Variants in BUB1 observed in about 807,000 individuals in gnomAD.
BUB1 encodes mitotic checkpoint serine/threonine-protein kinase BUB1.
In BUB1, 84 loss-of-function variants were observed where a neutral mutation model predicts 135.2. The ratio of observed to expected loss-of-function variants is 0.62; its 90% CI spans 0.52 to 0.74. BUB1 has a LOEUF of 0.74. Ranked by LOEUF, BUB1 falls within the 30% of genes least tolerant of loss-of-function variation. The pLI, the probability that BUB1 is intolerant of heterozygous loss-of-function variation, is 0.00. For synonymous variants in BUB1, 403 were observed against 434.4 expected (o/e 0.93, Z 0.90); for missense variants, 1,162 against 1,288.3 (o/e 0.90, Z 1.50).
At chr2:110,669,236 G>A (rs1291732610) in intron 6 of BUB1, among the ~76,000 whole-genome samples, 3 of 152,168 alleles carry the variant, frequency 2.0e-5, no homozygotes, top group Non-Finnish European at 1.5e-5. Context: ...GTGTGGTGAG[G>A]GCCTCTGGGT....
In BUB1 at chr2:110,659,974, T is replaced by C. The variant is rs1690037202; in HGVS notation, c.1276+4A>G. The C allele has an allele frequency of 1.2e-6, 2 of 1,604,002 alleles. No homozygotes were observed. Among genetic ancestry groups the C allele is most frequent in the Admixed American group, 1.7e-5 (1 of 59,960 alleles). On this transcript the variant is annotated splice_donor_region_variant and intron_variant, in intron 11 of 24. Transcript: ENST00000302759. ...GAAACACATTTATTATAATTAAACATTACCTTCTTTGATCTCTGCTCCACT... is the reference window on the plus strand; with the variant it reads ...GAAACACATTTATTATAATTAAACACTACCTTCTTTGATCTCTGCTCCACT...
At position 110,672,863 on chromosome 2, in the gene BUB1, C is replaced by T. The variant is rs756523208; in HGVS notation, c.226-6G>A. The T allele has an allele frequency of 2.3e-5, 36 of 1,573,174 alleles. No homozygotes were observed. The highest frequency in any genetic ancestry group is 3.4e-4 in the Middle Eastern group (2 of 5,856). The stretch of plus-strand genomic sequence containing the variant: ...AGGTCACTGTTGTACTCAGCCTACA[C>T]GAACCCAAAACAAAAAGACATAAGA... On this transcript the variant is annotated splice_polypyrimidine_tract_variant and splice_region_variant and intron_variant, in intron 3 of 24. Coordinates refer to ENST00000302759, the MANE Select transcript of BUB1 (RefSeq NM_004336.5).
chr2:110,653,458 G>A lies in BUB1; in HGVS notation c.1942C>T (p.Pro648Ser), dbSNP rs772319714. Reference protein sequence around the residue: ...LDSCEENMVVPSRDGKFSPIQ... With the variant: ...LDSCEENMVVSSRDGKFSPIQ... ...TACCTGAATTTTCCATCCCTTGAAG[G>A]CACCACCATGTTTTCCTCACAAGAA... The change falls in exon 17 of 25, where the codon CCT (proline) becomes TCT (serine). Residue 648 changes from proline (P) to serine (S), a missense_variant. Transcript: ENST00000302759. 2 of 1,613,802 alleles carry A rather than the reference G, an allele frequency of 1.2e-6. No individual in the cohort carries two copies. The highest frequency in any genetic ancestry group is 3.3e-5 in the Admixed American group (2 of 59,960).
Position 110,638,031 on chromosome 2 carries a change from T to C in BUB1, c.3191A>G (p.Asn1064Ser). The C allele has an allele frequency of 6.2e-7, 1 of 1,609,780 alleles. No homozygotes were observed. Among genetic ancestry groups the C allele is most frequent in the East Asian group, 2.2e-5 (1 of 44,740 alleles). The stretch of plus-strand genomic sequence containing the variant: ...CCTATTACGTAGGGCCCTAATCTTG[T>C]TAGTATAGTGTTGTTGAAATACTTT... Reference protein sequence around the residue: ...LKKVFQQHYTNKIRALRNRLI... With the variant: ...LKKVFQQHYTSKIRALRNRLI... The change falls in exon 25 of 25, where the codon AAC becomes AGC. Residue 1064 changes from asparagine (N) to serine (S), a missense_variant. Physicochemically the swap from Asn to Ser is conservative, Grantham distance 46. Coordinates refer to ENST00000302759, the MANE Select transcript of BUB1 (RefSeq NM_004336.5).
At chr2:110,659,919 A>G in intron 11 of BUB1, 59 bp downstream of exon 11, 1 of 1,431,072 alleles carries the variant, frequency 7.0e-7, no homozygotes. Context: ...CACAAAATAC[A>G]CCTCTGAGTG....
At chr2:110,672,988 G>T in intron 3 of BUB1, 131 bp from the exon 4 acceptor site, 1 of 908,552 alleles carries the variant, frequency 1.1e-6, no homozygotes, top group Non-Finnish European at 1.6e-6. Context: ...CAAAACCAAG[G>T]CAGGTTTAGA....
rs1369491496 is a variant in BUB1, at chr2:110,672,860, A to G, written c.226-3T>C. On this transcript the variant is annotated splice_polypyrimidine_tract_variant and splice_region_variant and intron_variant, in intron 3 of 24. Coordinates refer to ENST00000302759, the MANE Select transcript of BUB1 (RefSeq NM_004336.5). ...TGGAGGTCACTGTTGTACTCAGCCTACACGAACCCAAAACAAAAAGACATA... is the reference window on the plus strand; with the variant it reads ...TGGAGGTCACTGTTGTACTCAGCCTGCACGAACCCAAAACAAAAAGACATA... 1.3e-6 allele frequency: 2 copies of G among 1,576,672 alleles called. No homozygotes were observed. The highest frequency in any genetic ancestry group is 3.8e-5 in the Admixed American group (2 of 52,152).
At chr2:110,646,626 T>TC (rs1689654361) in intron 19 of BUB1, among the ~76,000 whole-genome samples, 1 of 151,802 alleles carries the variant, frequency 6.6e-6, no homozygotes, top group African/African-American at 2.4e-5. Flanking sequence ...AAAGGTAAAG[T>TC]CCCCCAAATA....
At chr2:110,653,263 C>CA (rs1442603807) in intron 17 of BUB1, among the ~76,000 whole-genome samples, 173 bp downstream of exon 17, 1 of 152,202 alleles carries the variant, frequency 6.6e-6, no homozygotes, top group Non-Finnish European at 1.5e-5. Flanking sequence ...TATGTATATT[C>CA]ACGGAGAGTA....
chr2:110,670,511 A>G lies in BUB1; in HGVS notation c.466+14T>C. On this transcript the variant is annotated intron_variant, in intron 5 of 24. Transcript: ENST00000302759. ...AATGGACAACAACAGGCATTTTAGA[A>G]AGCCTGATTTTACCTTGAGCTGGCA... 6.2e-7 allele frequency: 1 copy of G among 1,613,620 alleles called. No homozygotes were observed. Among genetic ancestry groups the G allele is most frequent in the South Asian group, 1.1e-5 (1 of 91,060 alleles).
chr2:110,675,757 TCCTC>T (rs940766885), intron 1 of BUB1, among the ~76,000 whole-genome samples: 1 of 152,168 alleles, frequency 6.6e-6, no homozygotes, highest in Non-Finnish European at 1.5e-5. Context: ...GTTCAAGAGA[TCCTC>T]CTGCCTCAGC....
rs1689788896 is a variant in BUB1, at chr2:110,651,620, C to T, written c.1965-836G>A. Among the ~76,000 whole-genome samples, 5 of 152,080 alleles carry T rather than the reference C, an allele frequency of 3.3e-5. No homozygotes were observed. In the South Asian group the frequency reaches 1.0e-3, roughly 31 times the overall value. On this transcript the variant is annotated intron_variant, in intron 17 of 24. Coordinates refer to ENST00000302759, the MANE Select transcript of BUB1 (RefSeq NM_004336.5). ...CTAACTATAGTGTTTCTGAAGTCTA[C>T]AGCAGTGCACAGTAATGTCCTAGGC... is the stretch of plus-strand genomic sequence containing the variant.
At chr2:110,661,151 G>A (rs1445170399) in intron 10 of BUB1, 1 of 154,092 alleles carries the variant, frequency 6.5e-6, no homozygotes, top group Non-Finnish European at 1.4e-5. Flanking sequence ...CATTTTGAGA[G>A]ACAGAATCAT....
chr2:110,641,140 C>T lies in BUB1; in HGVS notation c.2849G>A (p.Ser950Asn). Residue 950 changes from serine (S) to asparagine (N), a missense_variant, in exon 23 of 25, where the codon AGT becomes AAT. Coordinates refer to ENST00000302759, the MANE Select transcript of BUB1 (RefSeq NM_004336.5). ...TTTTGGAAAAAGTTTCATATCTATA[C>T]TCTGACCCAGGTCAATCAGTGCCAA... ...AGLALIDLGQSIDMKLFPKGT... is the reference protein window; with the variant it reads ...AGLALIDLGQNIDMKLFPKGT... The T allele has an allele frequency of 6.2e-7, 1 of 1,613,332 alleles. No homozygotes were observed. Among genetic ancestry groups the T allele is most frequent in the Middle Eastern group, 1.7e-4 (1 of 6,058 alleles).
chr2:110,671,730 T>A (rs1690428875), intron 4 of BUB1, among the ~76,000 whole-genome samples: 1 of 152,138 alleles, frequency 6.6e-6, no homozygotes, highest in Non-Finnish European at 1.5e-5. Flanking sequence ...AATAATTTTA[T>A]GATGAAGGAA....
intron 4 of BUB1, 80 bp downstream of exon 4, chr2:110,672,581 T>C: frequency 7.1e-7 from 1 of 1,415,796 alleles, no homozygotes; most frequent in Non-Finnish European, 9.5e-7. Context: ...CCTGTACAAA[T>C]TGCTAATGAT....
chr2:110,639,972 A>T (rs1282774665), intron 23 of BUB1, 124 bp from the exon 24 acceptor site: 6 of 830,222 alleles, frequency 7.2e-6, no homozygotes, highest in Non-Finnish European at 1.2e-5. Context: ...AACATTTTGG[A>T]AGGCATTTGT....
In BUB1 at chr2:110,638,018, G is replaced by C; in HGVS notation, c.3204C>G (p.Ala1068=). The part of the protein sequence containing the change: ...FQQHYTNKIR[A]LRNRLIVLLL... ...GCAGTACAATTAGCCTATTACGTAG[G>C]GCCCTAATCTTGTTAGTATAGTGTT... The change falls in exon 25 of 25, where the codon GCC becomes GCG. Residue 1068 remains alanine (A), a synonymous_variant. Coordinates refer to ENST00000302759, the MANE Select transcript of BUB1 (RefSeq NM_004336.5). 6.3e-7 allele frequency: 1 copy of C among 1,594,840 alleles called. No homozygotes were observed. Among genetic ancestry groups the C allele is most frequent in the Non-Finnish European group, 8.5e-7 (1 of 1,171,570 alleles).
In BUB1 at chr2:110,674,068, C is replaced by T. The variant is rs150592430; in HGVS notation, c.225+18G>A. Reference sequence around the variant, plus strand: ...CAACATGATTATAGATTTGATTATACATCTTAAGTATACTTACAAATTTTA... The same window carrying T: ...CAACATGATTATAGATTTGATTATATATCTTAAGTATACTTACAAATTTTA... On this transcript the variant is annotated intron_variant, in intron 3 of 24. Transcript: ENST00000302759. 173 of 1,475,632 alleles carry T rather than the reference C, an allele frequency of 1.2e-4. No homozygotes were observed. In the African/African-American group the frequency reaches 1.9e-3, roughly 16 times the overall value. 91.4% of individuals were successfully genotyped at this position (1,475,632 alleles called of 1,614,324 possible).
Sources: gnomAD v4.1 joint callset for allele counts (sites outside exome capture counted in the v4.1 genomes callset) on GRCh38, gnomAD v4.1.1 for gene constraint, MANE v1.5 for transcripts, NCBI Gene and HGNC (gene_info 2026-07-23, HGNC 2026-07-21) for gene names.